Variants in LRIG3 observed in about 807,000 individuals in gnomAD.
LRIG3 encodes the protein leucine-rich repeats and immunoglobulin-like domains protein 3.
Under a neutral mutation model 114.5 loss-of-function variants are expected in LRIG3, and 76 were observed. That is an observed-to-expected ratio of 0.66 (90% CI 0.55 to 0.80). LRIG3 has a LOEUF of 0.80. Among genes scored for constraint, LRIG3 ranks in the 30% least tolerant of loss-of-function variants. The probability of loss-of-function intolerance (pLI) is 0.00; values close to 1 mark genes in which losing one functional copy is unlikely to be tolerated. For synonymous variants in LRIG3, 512 were observed against 519.8 expected (o/e 0.98, Z 0.20); for missense variants, 1,239 against 1,382.8 (o/e 0.90, Z 1.65).
intron 3 of LRIG3, among the ~76,000 whole-genome samples, chr12:58,903,869 T>G (rs1871961684): frequency 1.3e-5 from 2 of 152,074 alleles, no homozygotes; most frequent in Admixed American, 6.6e-5. Flanking sequence ...CAAGATCAGA[T>G]AGTTGTAGAT....
At position 58,920,280 on chromosome 12, in the gene LRIG3, G is replaced by A. The variant is rs1476816575; in HGVS notation, c.-45C>T. 2 of 1,290,252 alleles carry A rather than the reference G, an allele frequency of 1.6e-6. No individual in the cohort carries two copies. The highest frequency in any genetic ancestry group is 1.6e-5 in the African/African-American group (1 of 64,014). The allele number at this position is 1,290,252 out of a possible 1,614,324, so 79.9% of individuals were successfully genotyped here. A position where few individuals can be genotyped will look rare whatever the true frequency, so the allele number is the denominator to read the frequency against. ...TCTCTACCCGAAGCTCCCAGCCGGC[G>A]CGCGCTCGGGGCCCGGCACAAACTT... On this transcript the variant is annotated 5_prime_UTR_variant, in exon 1 of 19. Coordinates refer to ENST00000320743, the MANE Select transcript of LRIG3 (RefSeq NM_153377.5).
chr12:58,880,281 C>T (rs1592294720), intron 13 of LRIG3: 1 of 392,448 alleles, frequency 2.5e-6, no homozygotes, highest in Admixed American at 4.3e-5. Flanking sequence ...CCTTGGGTGA[C>T]AGTGCAAGAT....
rs143329830 is a variant in LRIG3, at chr12:58,880,088, C to G, written c.1801+493G>C. Among the ~76,000 whole-genome samples the G allele has an allele frequency of 4.5e-3, 682 of 152,096 alleles. 8 individuals are homozygous for G. Among genetic ancestry groups the G allele is most frequent in the African/African-American group, 0.016 (657 of 41,498 alleles). On this transcript the variant is annotated intron_variant, in intron 13 of 18. Coordinates refer to ENST00000320743, the MANE Select transcript of LRIG3 (RefSeq NM_153377.5). ...AAGGTGGGCAGATCACAAGGTCAGG[C>G]GTTCGAGACCAGCCTGACCAATATA...
rs1236317801 is a variant in LRIG3, at chr12:58,877,691, T to G, written c.2245A>C (p.Asn749His). The G allele has an allele frequency of 2.5e-6, 4 of 1,614,076 alleles. No individual in the cohort carries two copies. In the African/African-American group the frequency reaches 4.0e-5, roughly 16 times the overall value. The change falls in exon 15 of 19, where the codon AAT becomes CAT. Residue 749 changes from asparagine to histidine, a missense_variant. Transcript: ENST00000320743. ...GAGTCCACAATAATCAGAAGCTGAT[T>G]GCCTGCTGCAAAAAAGTGCCTCTCG... ...VTERHFFAAG[N>H]QLLIIVDSDV... is the part of the protein sequence containing the mutation.
chr12:58,889,914 TGCCACA>T lies in LRIG3; in HGVS notation c.659+76_659+81del. The stretch of plus-strand genomic sequence containing the variant: ...ACATCCTTGCTCCTAAACTCCTTTT[TGCCACA>T]TTGTAGATTTTAAGGAAAAGACACC... On this transcript the variant is annotated intron_variant, in intron 5 of 18. Coordinates refer to ENST00000320743, the MANE Select transcript of LRIG3 (RefSeq NM_153377.5). 7 of 1,512,664 alleles carry T rather than the reference TGCCACA, an allele frequency of 4.6e-6. No homozygotes were observed. The Admixed American group carries it at 9.6e-5, about 21-fold the overall frequency. 93.7% of individuals were successfully genotyped at this position (1,512,664 alleles called of 1,614,324 possible).
Position 58,872,359 on chromosome 12 carries a change from T to TA in LRIG3, c.*212dup, listed in dbSNP as rs1412029794. ...GATACTTTTTTGCATAAAACAAAGT[T>TA]AAAAAATAGTTTAAAAAGGTATTCT... is the stretch of plus-strand genomic sequence containing the variant. On this transcript the variant is annotated 3_prime_UTR_variant, in exon 19 of 19. Coordinates refer to ENST00000320743, the MANE Select transcript of LRIG3 (RefSeq NM_153377.5). 50 of 362,004 alleles carry TA rather than the reference T, an allele frequency of 1.4e-4. No homozygotes were observed. In the Admixed American group the frequency reaches 2.1e-3, roughly 15 times the overall value. 22.4% of individuals were successfully genotyped at this position (362,004 alleles called of 1,614,324 possible).
rs1461489141 is a variant in LRIG3 at position 58,919,673 on chromosome 12, G to C, written c.236+327C>G. 3.3e-6 allele frequency: 4 copies of C among 1,223,290 alleles called. No individual in the cohort carries two copies. In the East Asian group the frequency reaches 1.0e-4, roughly 31 times the overall value. 75.8% of individuals were successfully genotyped at this position (1,223,290 alleles called of 1,614,324 possible). A position where few individuals can be genotyped will look rare whatever the true frequency, so the allele number is the denominator to read the frequency against. The stretch of plus-strand genomic sequence containing the variant: ...CGCTTATCTCCCCTGGGCCTGGCAG[G>C]AGCAAGCATTTGAACCCCTTGGCTA... On this transcript the variant is annotated intron_variant, in intron 1 of 18. Coordinates refer to ENST00000320743, the MANE Select transcript of LRIG3 (RefSeq NM_153377.5).
chr12:58,917,354 C>A (rs1328279546), intron 1 of LRIG3, among the ~76,000 whole-genome samples: 3 of 152,228 alleles, frequency 2.0e-5, no homozygotes, highest in Non-Finnish European at 2.9e-5. Flanking sequence ...AAATAACATT[C>A]TAACAAGCAT....
At chr12:58,874,690 CA>C (rs1246502422) in intron 16 of LRIG3, 117 bp from the exon 17 acceptor site, 9 of 1,389,760 alleles carry the variant, frequency 6.5e-6, no homozygotes, top group African/African-American at 2.9e-5. Context: ...ATCATATAGA[CA>C]AAAAAATTGC....
chr12:58,898,239 GGTTCTGTGTCTTTATCTACTAC>G (rs1377412048), intron 3 of LRIG3, among the ~76,000 whole-genome samples: 3 of 152,210 alleles, frequency 2.0e-5, no homozygotes, highest in African/African-American at 7.2e-5. Flanking sequence ...TTCTATTCCT[GGTTCTGTGTCTTTATCTACTAC>G]GTTTTTGTGA....
intron 16 of LRIG3, among the ~76,000 whole-genome samples, chr12:58,876,166 A>G (rs751151383): frequency 7.9e-5 from 12 of 152,258 alleles, no homozygotes; most frequent in Non-Finnish European, 1.6e-4. Flanking sequence ...GCCAAAGAAC[A>G]TTTATAATGT....
chr12:58,873,942 C>G, intron 18 of LRIG3, 113 bp downstream of exon 18: 1 of 1,248,738 alleles, frequency 8.0e-7, no homozygotes. Context: ...ATGGCAGCCT[C>G]ATTCAAGAAA....
intron 3 of LRIG3, among the ~76,000 whole-genome samples, chr12:58,911,160 G>A (rs1872260523): frequency 8.4e-6 from 1 of 119,112 alleles, no homozygotes. Context: ...TGCTAAAAAG[G>A]TTAGAGATGA....
In LRIG3 at chr12:58,886,802, A is replaced by T; in HGVS notation, c.1172+8T>A. On this transcript the variant is annotated splice_region_variant and intron_variant, in intron 9 of 18. Transcript: ENST00000320743. The stretch of plus-strand genomic sequence containing the variant: ...AGTGAGCTAAATTATGAGGCAATTC[A>T]TACTCACAGTCGCCTCAGTTTGTCA... The T allele has an allele frequency of 6.2e-7, 1 of 1,611,864 alleles. No individual in the cohort carries two copies. The highest frequency in any genetic ancestry group is 8.5e-7 in the Non-Finnish European group (1 of 1,178,288).
intron 3 of LRIG3, among the ~76,000 whole-genome samples, chr12:58,899,251 T>C (rs550519507): frequency 1.1e-4 from 17 of 152,354 alleles, no homozygotes; most frequent in African/African-American, 3.6e-4. Context: ...CGTAACTCAG[T>C]AGGTCCTTTC....
intron 13 of LRIG3, 66 bp downstream of exon 13, chr12:58,880,515 A>T (rs1477913927): frequency 6.6e-7 from 1 of 1,505,406 alleles, no homozygotes; most frequent in South Asian, 1.2e-5. Context: ...ATTAAGAGAG[A>T]AAAACAGGTG....
chr12:58,893,663 G>A (rs1005093929), intron 3 of LRIG3, among the ~76,000 whole-genome samples: 1 of 152,310 alleles, frequency 6.6e-6, no homozygotes, highest in Non-Finnish European at 1.5e-5. Flanking sequence ...CAAGGCCTTA[G>A]GGTCAGGGTG....
At chr12:58,875,912 C>T (rs1209887573) in intron 16 of LRIG3, among the ~76,000 whole-genome samples, 1 of 152,078 alleles carries the variant, frequency 6.6e-6, no homozygotes, top group Non-Finnish European at 1.5e-5. Context: ...ATTAGCCAGG[C>T]GTGGTGGCAT....
chr12:58,885,725 A>G, intron 10 of LRIG3, 106 bp downstream of exon 10: 1 of 653,112 alleles, frequency 1.5e-6, no homozygotes, highest in Non-Finnish European at 2.5e-6. Flanking sequence ...TGGAACCGGA[A>G]GGATGCCAAC....
Sources: gnomAD v4.1 joint callset for allele counts (sites outside exome capture counted in the v4.1 genomes callset) on GRCh38, gnomAD v4.1.1 for gene constraint, MANE v1.5 for transcripts, NCBI Gene and HGNC (gene_info 2026-07-23, HGNC 2026-07-21) for gene names.